The following MYL12B variants were observed in gnomAD, a reference collection of about 807,000 sequenced individuals.
The protein encoded by MYL12B is myosin light chain 12B.
A neutral mutation model predicts 12.9 loss-of-function variants in MYL12B; 3 were observed. The ratio of observed to expected loss-of-function variants is 0.23; its 90% CI spans 0.11 to 0.60. The LOEUF (loss-of-function observed/expected upper bound fraction) is 0.60, where lower values mean the gene tolerates loss of function less well. MYL12B is among the 20% of genes least tolerant of loss of function. The probability of loss-of-function intolerance (pLI) is 0.89; values close to 1 mark genes in which losing one functional copy is unlikely to be tolerated. For missense variants in MYL12B, 120 were observed against 215.4 expected, an observed-to-expected ratio of 0.56 and a Z score of 2.77; for synonymous variants, 57 against 71.9, an observed-to-expected ratio of 0.79 and a Z score of 1.05.
At chr18:3,267,445 A>C (rs986619888) in intron 1 of MYL12B, among the ~76,000 whole-genome samples, 3 of 152,220 alleles carry the variant, frequency 2.0e-5, no homozygotes, top group African/African-American at 7.2e-5. Flanking sequence ...TTCTGTTTGC[A>C]TATCAGTACT....
chr18:3,272,184 T>C (rs951861952), intron 1 of MYL12B: 1 of 832,244 alleles, frequency 1.2e-6, no homozygotes, highest in Non-Finnish European at 1.3e-6. Context: ...ACATGACTAG[T>C]CTTTTTACAT....
intron 1 of MYL12B, among the ~76,000 whole-genome samples, chr18:3,269,335 G>A (rs11081028): frequency 0.95 from 145,268 of 152,182 alleles, 69,412 homozygotes; most frequent in Non-Finnish European, 0.98. Flanking sequence ...AGGCCATAGA[G>A]ATATTTTACA....
At position 3,272,104 on chromosome 18, in the gene MYL12B, G is replaced by A. The variant is rs1057451087; in HGVS notation, c.-15-780G>A. 3 of 985,274 alleles carry A rather than the reference G, an allele frequency of 3.0e-6. No individual in the cohort carries two copies. The African/African-American group carries it at 5.2e-5, about 17-fold the overall frequency. 61.0% of individuals were successfully genotyped at this position (985,274 alleles called of 1,614,324 possible). ...TTCTGAAAGTCTTGTCAAGGGAAAAGGGAAATGCAGGGATAGCTAGAAAGA... is the reference window on the plus strand; with the variant it reads ...TTCTGAAAGTCTTGTCAAGGGAAAAAGGAAATGCAGGGATAGCTAGAAAGA... On this transcript the variant is annotated intron_variant, in intron 1 of 3. Transcript: ENST00000237500.
At chr18:3,266,597 AAGG>A (rs2081637046) in intron 1 of MYL12B, among the ~76,000 whole-genome samples, 1 of 152,124 alleles carries the variant, frequency 6.6e-6, no homozygotes. Context: ...CAGCTGGGAT[AAGG>A]AGATGTAGGG....
In MYL12B at chr18:3,265,122, TAAAA is replaced by T. The variant is rs548332683; in HGVS notation, c.-16+2889_-16+2892del. Reference sequence around the variant, plus strand: ...ACTAGGGGAAATGCTTCCCTGGTGTTAAAAAAAGTTGAAAAAATTGAGTTTGGCT... The same window carrying T: ...ACTAGGGGAAATGCTTCCCTGGTGTTAAAGTTGAAAAAATTGAGTTTGGCT... On this transcript the variant is annotated intron_variant, in intron 1 of 3. Coordinates refer to ENST00000237500, the MANE Select transcript of MYL12B (RefSeq NM_033546.4). Among the ~76,000 whole-genome samples the T allele has an allele frequency of 2.0e-4, 31 of 152,274 alleles. No homozygotes were observed. In the East Asian group the frequency reaches 3.9e-3, roughly 19 times the overall value.
At chr18:3,270,739 G>A (rs1296667489) in intron 1 of MYL12B, among the ~76,000 whole-genome samples, 2 of 152,112 alleles carry the variant, frequency 1.3e-5, no homozygotes, top group East Asian at 1.9e-4. Flanking sequence ...GCACCATTAC[G>A]GTTCACCAGC....
chr18:3,275,962 C>A (rs1464665803), intron 2 of MYL12B, among the ~76,000 whole-genome samples: 1 of 152,090 alleles, frequency 6.6e-6, no homozygotes, highest in African/African-American at 2.4e-5. Flanking sequence ...ATGATGTTTA[C>A]ATTTCACCCA....
Position 3,277,944 on chromosome 18 carries a change from T to A in MYL12B, c.*7T>A. The A allele has an allele frequency of 6.2e-7, 1 of 1,612,672 alleles. No homozygotes were observed. The highest frequency in any genetic ancestry group is 1.7e-5 in the Admixed American group (1 of 59,772). The stretch of plus-strand genomic sequence containing the variant: ...CAAAGACAAAGATGACTGAAAGAAC[T>A]TTAGCTAAAATCTTCCAGTTACATT... On this transcript the variant is annotated 3_prime_UTR_variant, in exon 4 of 4. Transcript: ENST00000237500.
intron 1 of MYL12B, among the ~76,000 whole-genome samples, chr18:3,268,519 T>G (rs2081652042): frequency 6.6e-6 from 1 of 152,236 alleles, no homozygotes; most frequent in East Asian, 1.9e-4. Flanking sequence ...GCTACTACAC[T>G]GCACAGTTCC....
At chr18:3,276,610 C>G (rs1045389036) in intron 2 of MYL12B, 1 of 955,920 alleles carries the variant, frequency 1.0e-6, no homozygotes, top group Non-Finnish European at 1.2e-6. Flanking sequence ...ACTTAAATGG[C>G]CAACTTATAA....
At chr18:3,265,979 G>A (rs1027886437) in intron 1 of MYL12B, among the ~76,000 whole-genome samples, 9 of 152,172 alleles carry the variant, frequency 5.9e-5, no homozygotes, top group African/African-American at 2.2e-4. Context: ...TTGGAACTTG[G>A]ACTGTGGCTG....
chr18:3,273,870 T>G (rs2081705385), intron 2 of MYL12B, among the ~76,000 whole-genome samples: 1 of 149,388 alleles, frequency 6.7e-6, no homozygotes. Context: ...TTCTCTCTTT[T>G]AATGCCTACA....
intron 2 of MYL12B, 68 bp downstream of exon 2, chr18:3,273,150 T>C: frequency 1.4e-6 from 2 of 1,466,916 alleles, no homozygotes; most frequent in Non-Finnish European, 1.8e-6. Context: ...AATCTTTTTT[T>C]TGTGCGATGT....
At position 3,273,010 on chromosome 18, in the gene MYL12B, T is replaced by A; in HGVS notation, c.112T>A (p.Phe38Ile). 1 of 1,613,492 alleles carries A rather than the reference T, an allele frequency of 6.2e-7. No individual in the cohort carries two copies. The highest frequency in any genetic ancestry group is 8.5e-7 in the Non-Finnish European group (1 of 1,179,704). The change falls in exon 2 of 4, where the codon TTC becomes ATC. Residue 38 changes from phenylalanine to isoleucine, a missense_variant. Coordinates refer to ENST00000237500, the MANE Select transcript of MYL12B (RefSeq NM_033546.4). ...QSQIQEFKEA[F>I]NMIDQNRDGF... Reference sequence around the variant, plus strand: ...ACAGATTCAGGAGTTCAAAGAGGCCTTCAACATGATTGATCAGAACAGAGA... The same window carrying A: ...ACAGATTCAGGAGTTCAAAGAGGCCATCAACATGATTGATCAGAACAGAGA...
intron 1 of MYL12B, among the ~76,000 whole-genome samples, chr18:3,267,223 T>C (rs749112783): frequency 1.6e-4 from 25 of 152,224 alleles, no homozygotes; most frequent in Non-Finnish European, 2.6e-4. Flanking sequence ...CAGCCAAGAT[T>C]GAAACCAGAG....
intron 2 of MYL12B, among the ~76,000 whole-genome samples, chr18:3,275,433 C>T (rs2081721475): frequency 6.6e-6 from 1 of 152,058 alleles, no homozygotes; most frequent in Non-Finnish European, 1.5e-5. Context: ...ATTTGTTGTA[C>T]ATTTTAAAAT....
chr18:3,274,130 T>C (rs1352436755), intron 2 of MYL12B, among the ~76,000 whole-genome samples: 1 of 152,240 alleles, frequency 6.6e-6, no homozygotes, highest in African/African-American at 2.4e-5. Context: ...TTATCTGATT[T>C]GTTGACTTGT....
At chr18:3,266,187 G>T (rs1443128) in intron 1 of MYL12B, among the ~76,000 whole-genome samples, 4 of 152,058 alleles carry the variant, frequency 2.6e-5, no homozygotes, top group East Asian at 3.9e-4. Context: ...AGGTCACATG[G>T]GGAGGCTGCA....
intron 1 of MYL12B, among the ~76,000 whole-genome samples, chr18:3,263,552 CA>C (rs2081612117): frequency 6.6e-6 from 1 of 152,168 alleles, no homozygotes; most frequent in South Asian, 2.1e-4. Context: ...TAAGCTTGAA[CA>C]AGATGAACTG....
Sources: allele counts gnomAD v4.1 joint callset (sites outside exome capture counted in the v4.1 genomes callset), GRCh38; gene constraint gnomAD v4.1.1; transcripts MANE v1.5; gene names NCBI Gene and HGNC (gene_info 2026-07-23, HGNC 2026-07-21).